The following EPB41L1 variants were observed in gnomAD, a reference collection of about 807,000 sequenced individuals.
EPB41L1 encodes band 4.1-like protein 1.
In EPB41L1, 29 loss-of-function variants were observed where a neutral mutation model predicts 97.8. The observed-to-expected ratio is 0.30, with a 90% CI of 0.22 to 0.40. The LOEUF is 0.40. EPB41L1 is among the 10% of genes least tolerant of loss of function. The pLI is 1.00. For missense variants in EPB41L1, 812 were observed against 1,162.3 expected (o/e 0.70, Z 4.38); for synonymous variants, 383 against 459.2 (o/e 0.83, Z 2.12).
intron 7 of EPB41L1, among the ~76,000 whole-genome samples, chr20:36,186,957 A>G (rs1367587677): frequency 2.0e-5 from 3 of 152,236 alleles, no homozygotes; most frequent in Non-Finnish European, 2.9e-5. Flanking sequence ...ACTCTTCTTC[A>G]TAGCAGTGTG....
chr20:36,128,001 C>T (rs1215967933), intron 2 of EPB41L1, among the ~76,000 whole-genome samples: 2 of 151,960 alleles, frequency 1.3e-5, no homozygotes, highest in South Asian at 2.1e-4. Flanking sequence ...CCCGGGGGAA[C>T]GAATGATGGG....
intron 1 of EPB41L1, among the ~76,000 whole-genome samples, chr20:36,158,416 A>T (rs2060399093): frequency 6.6e-6 from 1 of 152,104 alleles, no homozygotes; most frequent in Non-Finnish European, 1.5e-5. Context: ...GGGACCTTTG[A>T]GCTGGGCACT....
At chr20:36,223,239 G>T (rs891478152) in intron 21 of EPB41L1, among the ~76,000 whole-genome samples, 2 of 151,790 alleles carry the variant, frequency 1.3e-5, no homozygotes, top group Non-Finnish European at 2.9e-5. Context: ...TTACCTTGTT[G>T]GCCAGGCTGG....
At chr20:36,134,126 C>A (rs533751351) in intron 2 of EPB41L1, among the ~76,000 whole-genome samples, 1 of 152,140 alleles carries the variant, frequency 6.6e-6, no homozygotes, top group African/African-American at 2.4e-5. Context: ...TAGGAAGTGG[C>A]GGGGCTGGGA....
intron 7 of EPB41L1, 130 bp downstream of exon 7, chr20:36,185,465 G>GTA (rs1273032334): frequency 1.2e-6 from 1 of 833,112 alleles, no homozygotes; most frequent in African/African-American, 1.7e-5. Context: ...CTAGCTTGAG[G>GTA]TATATCTAAG....
At chr20:36,138,808 C>T (rs62213177) in intron 2 of EPB41L1, among the ~76,000 whole-genome samples, 5,320 of 152,254 alleles carry the variant, frequency 0.035, 132 homozygotes, top group Non-Finnish European at 0.052. Flanking sequence ...TTGCTTTTAA[C>T]TATTGTGACA....
At position 36,173,969 on chromosome 20, in the gene EPB41L1, G is replaced by A; in HGVS notation, c.177+15G>A. Reference sequence around the variant, plus strand: ...CTGCTGAACAGGTGTGTGCCCGAGAGCATGGGCGTACCTTTCCTGCCCAGA... The same window carrying A: ...CTGCTGAACAGGTGTGTGCCCGAGAACATGGGCGTACCTTTCCTGCCCAGA... On this transcript the variant is annotated intron_variant, in intron 2 of 21. Coordinates refer to ENST00000338074, the MANE Select transcript of EPB41L1 (RefSeq NM_012156.2). 6.2e-7 allele frequency: 1 copy of A among 1,606,824 alleles called. No homozygotes were observed. Among genetic ancestry groups the A allele is most frequent in the Non-Finnish European group, 8.5e-7 (1 of 1,176,640 alleles).
chr20:36,228,421 C>T (rs891415605), intron 21 of EPB41L1, among the ~76,000 whole-genome samples: 10 of 152,262 alleles, frequency 6.6e-5, no homozygotes, highest in African/African-American at 2.4e-4. Context: ...AAGAAACTTG[C>T]CAGGCACTGT....
intron 1 of EPB41L1, among the ~76,000 whole-genome samples, chr20:36,159,097 G>C (rs1041736923): frequency 6.6e-6 from 1 of 152,154 alleles, no homozygotes; most frequent in African/African-American, 2.4e-5. Context: ...TGGGTGGTTC[G>C]CCAGGTTGGA....
chr20:36,216,617 C>T (rs2063458318), intron 17 of EPB41L1, among the ~76,000 whole-genome samples: 1 of 152,226 alleles, frequency 6.6e-6, no homozygotes, highest in Non-Finnish European at 1.5e-5. Flanking sequence ...CTCCTTCTCT[C>T]TCTCTCCTTC....
At chr20:36,205,331 C>A (rs1438168118) in intron 14 of EPB41L1, among the ~76,000 whole-genome samples, 2 of 152,232 alleles carry the variant, frequency 1.3e-5, no homozygotes, top group African/African-American at 2.4e-5. Context: ...CTTTTCCTGA[C>A]TCTGTCTTCT....
At chr20:36,169,372 G>A (rs945900315) in intron 1 of EPB41L1, among the ~76,000 whole-genome samples, 7 of 152,310 alleles carry the variant, frequency 4.6e-5, no homozygotes, top group Non-Finnish European at 7.3e-5. Context: ...CCACAGGGCC[G>A]CCTGCTCTAC....
chr20:36,201,564 C>T (rs2062499337), intron 14 of EPB41L1, among the ~76,000 whole-genome samples: 1 of 152,192 alleles, frequency 6.6e-6, no homozygotes, highest in African/African-American at 2.4e-5. Context: ...TCTGAACTCC[C>T]CTGGAGCTTG....
At chr20:36,156,655 TGATCCCTTAG>T (rs1001737392) in intron 1 of EPB41L1, among the ~76,000 whole-genome samples, 13 of 152,176 alleles carry the variant, frequency 8.5e-5, no homozygotes, top group Non-Finnish European at 1.6e-4. Flanking sequence ...TGAGGCTACC[TGATCCCTTAG>T]GAGGGGTGTT....
Position 36,177,664 on chromosome 20 carries a change from G to T in EPB41L1, c.343-288G>T, listed in dbSNP as rs144033272. On this transcript the variant is annotated intron_variant, in intron 3 of 21. Transcript: ENST00000338074. Reference sequence around the variant, plus strand: ...ATCACTAAAAAGGAAGGAGAAAGCCGTCACTTCCTATGCCTTCCACTTCAG... The same window carrying T: ...ATCACTAAAAAGGAAGGAGAAAGCCTTCACTTCCTATGCCTTCCACTTCAG... 4.6e-5 allele frequency among the ~76,000 whole-genome samples: 7 copies of T among 152,310 alleles called. No homozygotes were observed. The East Asian group carries it at 1.2e-3, about 25-fold the overall frequency.
intron 7 of EPB41L1, among the ~76,000 whole-genome samples, chr20:36,186,028 A>G (rs751229419): frequency 2.0e-5 from 3 of 152,234 alleles, no homozygotes; most frequent in Non-Finnish European, 2.9e-5. Context: ...TCACCTGTAT[A>G]TGCACAAAGT....
chr20:36,115,244 C>T (rs779585749), intron 2 of EPB41L1, among the ~76,000 whole-genome samples: 3 of 152,192 alleles, frequency 2.0e-5, no homozygotes, highest in Admixed American at 1.3e-4. Flanking sequence ...GGGTTTCAAG[C>T]CCAAGGTGTC....
chr20:36,103,403 C>T (rs371176392), intron 1 of EPB41L1, among the ~76,000 whole-genome samples: 1 of 152,286 alleles, frequency 6.6e-6, no homozygotes, highest in East Asian at 1.9e-4. Context: ...CACAGGGCCC[C>T]TCCCTCTATT....
Position 36,195,095 on chromosome 20 carries a change from C to T in EPB41L1, c.1450-234C>T, listed in dbSNP as rs1044962495. Among the ~76,000 whole-genome samples the T allele has an allele frequency of 2.0e-5, 3 of 152,182 alleles. No individual in the cohort carries two copies. The highest frequency in any genetic ancestry group is 4.4e-5 in the Non-Finnish European group (3 of 68,024). On this transcript the variant is annotated intron_variant, in intron 12 of 21. Transcript: ENST00000338074. The surrounding 1 kb of genome is among the most constrained non-coding windows in gnomAD (Gnocchi z 4.6). ...CCCATCTGCCCAGTGTGGCTCTGCC[C>T]ACTTGGCCTCTAGTTCCCTTCTCTG...
Sources: allele counts gnomAD v4.1 joint callset (sites outside exome capture counted in the v4.1 genomes callset), GRCh38; gene constraint gnomAD v4.1.1; non-coding constraint Gnocchi (gnomAD v3.1); transcripts MANE v1.5; gene names NCBI Gene and HGNC (gene_info 2026-07-23, HGNC 2026-07-21).